The following PCDHA7 variants were observed in gnomAD, a reference collection of about 807,000 sequenced individuals.
PCDHA7 encodes protocadherin alpha-7.
Under a neutral mutation model 57.2 loss-of-function variants are expected in PCDHA7, and 37 were observed. The ratio of observed to expected loss-of-function variants is 0.65; its 90% CI spans 0.50 to 0.85. PCDHA7 has a LOEUF of 0.85. Ranked by LOEUF, PCDHA7 falls within the 40% of genes least tolerant of loss-of-function variation. The pLI, the probability that PCDHA7 is intolerant of heterozygous loss-of-function variation, is 0.00. For synonymous variants in PCDHA7, 553 were observed against 558.8 expected, an observed-to-expected ratio of 0.99 and a Z score of 0.15; for missense variants, 1,188 against 1,241.8, an observed-to-expected ratio of 0.96 and a Z score of 0.65.
intron 1 of PCDHA7, chr5:140,857,693 A>T: frequency 6.3e-7 from 1 of 1,597,022 alleles, no homozygotes; most frequent in Non-Finnish European, 8.6e-7. Context: ...CAGCAACTTG[A>T]CGCTGCAGGT....
chr5:140,891,481 C>G (rs2063126797), intron 1 of PCDHA7, among the ~76,000 whole-genome samples: 1 of 151,620 alleles, frequency 6.6e-6, no homozygotes, highest in Admixed American at 6.6e-5. Context: ...CTTTACATCA[C>G]TTTGAGCATA....
chr5:140,981,755 A>G (rs868964961), intron 2 of PCDHA7, among the ~76,000 whole-genome samples: 12 of 152,222 alleles, frequency 7.9e-5, no homozygotes, highest in Admixed American at 3.3e-4. Context: ...TTAGTATTAG[A>G]CATACATAAA....
intron 1 of PCDHA7, among the ~76,000 whole-genome samples, chr5:140,951,227 G>A (rs181202222): frequency 1.3e-5 from 2 of 152,044 alleles, no homozygotes; most frequent in African/African-American, 2.4e-5. Flanking sequence ...ATTCTTGATG[G>A]TCTTTACCTT....
At position 140,856,940 on chromosome 5, in the gene PCDHA7, AC is replaced by A. The variant is rs782681005; in HGVS notation, c.2355+20203del. ...AAGGAAATTTTGGATAAACGAAAGGACGGGAGAAATAAAAGTAAATGATGCT... is the reference window on the plus strand; with the variant it reads ...AAGGAAATTTTGGATAAACGAAAGGAGGGAGAAATAAAAGTAAATGATGCT... On this transcript the variant is annotated intron_variant, in intron 1 of 3. Transcript: ENST00000525929. The A allele has an allele frequency of 1.9e-5, 30 of 1,593,712 alleles. No individual in the cohort carries two copies. In the South Asian group the frequency reaches 3.3e-4, roughly 18 times the overall value.
chr5:140,871,002 G>C, intron 1 of PCDHA7: 1 of 1,613,384 alleles, frequency 6.2e-7, no homozygotes, highest in Non-Finnish European at 8.5e-7. Context: ...TAAGCACAAC[G>C]CGTGCCCTGG....
rs2150367479 is a variant in PCDHA7, at chr5:140,843,905, G to A, written c.2355+7167G>A. 8 of 645,878 alleles carry A rather than the reference G, an allele frequency of 1.2e-5. 1 individual carries two copies. Among genetic ancestry groups the A allele is most frequent in the African/African-American group, 1.8e-5 (1 of 54,098 alleles). 40.0% of individuals were successfully genotyped at this position (645,878 alleles called of 1,614,324 possible). ...ATACAGTATTAATCATTCTCCACAA[G>A]TTGGGTCTATCTTGAAACTCAAGTT... On this transcript the variant is annotated intron_variant, in intron 1 of 3. Coordinates refer to ENST00000525929, the MANE Select transcript of PCDHA7 (RefSeq NM_018910.3).
rs190555934 is a variant in PCDHA7 at position 140,905,437 on chromosome 5, C to G, written c.2355+68699C>G. Among the ~76,000 whole-genome samples the G allele has an allele frequency of 2.8e-3, 421 of 152,248 alleles. 2 individuals carry two copies. The highest frequency in any genetic ancestry group is 0.014 in the Middle Eastern group (4 of 294). On this transcript the variant is annotated intron_variant, in intron 1 of 3. Coordinates refer to ENST00000525929, the MANE Select transcript of PCDHA7 (RefSeq NM_018910.3). ...TACCATGCTGGTTTGATAACTACAG[C>G]CTTTTAGTATAATTTAAAGTCAGGT...
intron 1 of PCDHA7, chr5:140,877,564 G>A (rs782415331): frequency 1.2e-5 from 20 of 1,613,652 alleles, no homozygotes; most frequent in Middle Eastern, 3.3e-4. Context: ...GGATATTAAC[G>A]TGTACCTCAT....
chr5:140,851,315 T>G lies in PCDHA7; in HGVS notation c.2355+14577T>G. ...GCAAAAATATATAGCAATTGTTACC[T>G]TGTTAAGTTTGTAGTTCTCTACATT... On this transcript the variant is annotated intron_variant, in intron 1 of 3. Coordinates refer to ENST00000525929, the MANE Select transcript of PCDHA7 (RefSeq NM_018910.3). 7.1e-6 allele frequency: 7 copies of G among 992,586 alleles called. 1 individual carries two copies. The highest frequency in any genetic ancestry group is 8.6e-6 in the Non-Finnish European group (7 of 809,654). 61.5% of individuals were successfully genotyped at this position (992,586 alleles called of 1,614,324 possible).
In PCDHA7 at chr5:140,978,905, T is replaced by C. The variant is rs782532288; in HGVS notation, c.2356-44T>C. 9 of 1,613,632 alleles carry C rather than the reference T, an allele frequency of 5.6e-6. No homozygotes were observed. In the South Asian group the frequency reaches 9.9e-5, roughly 18 times the overall value. On this transcript the variant is annotated intron_variant, in intron 1 of 3. Coordinates refer to ENST00000525929, the MANE Select transcript of PCDHA7 (RefSeq NM_018910.3). ...AATTAGCAGCATTCCTGGGAGAACA[T>C]TGTCTTGTCATTTTAACAGAAAACT...
At chr5:140,961,108 C>T (rs1027018505) in intron 1 of PCDHA7, among the ~76,000 whole-genome samples, 1 of 152,174 alleles carries the variant, frequency 6.6e-6, no homozygotes, top group Non-Finnish European at 1.5e-5. Flanking sequence ...CACCCAACCC[C>T]CTTGCATCTT....
rs1238840347 is a variant in PCDHA7 at position 140,858,526 on chromosome 5, AT to A, written c.2355+21793del. On this transcript the variant is annotated intron_variant, in intron 1 of 3. Coordinates refer to ENST00000525929, the MANE Select transcript of PCDHA7 (RefSeq NM_018910.3). ...TCTCAAATATGTATCAGAATATTTC[AT>A]TTTTGTCTACATTCCATTTATGCTT... 6.2e-5 allele frequency: 87 copies of A among 1,407,632 alleles called. 5 individuals carry two copies. The highest frequency in any genetic ancestry group is 8.4e-5 in the Non-Finnish European group (85 of 1,016,948). The allele number at this position is 1,407,632 out of a possible 1,614,324, so 87.2% of individuals were successfully genotyped here.
At position 140,910,081 on chromosome 5, in the gene PCDHA7, A is replaced by G. The variant is rs183187398; in HGVS notation, c.2356-68868A>G. 2.8e-3 allele frequency among the ~76,000 whole-genome samples: 421 copies of G among 152,330 alleles called. 2 individuals are homozygous for G. Among genetic ancestry groups the G allele is most frequent in the Middle Eastern group, 0.014 (4 of 294 alleles). On this transcript the variant is annotated intron_variant, in intron 1 of 3. Coordinates refer to ENST00000525929, the MANE Select transcript of PCDHA7 (RefSeq NM_018910.3). Reference sequence around the variant, plus strand: ...CTTTTAACAGCGTAAATTGTTGTCAAGGGGAACCAGCCTCCCCTTCATTTA... The same window carrying G: ...CTTTTAACAGCGTAAATTGTTGTCAGGGGGAACCAGCCTCCCCTTCATTTA...
intron 1 of PCDHA7, chr5:140,866,411 A>G (rs2049340937): frequency 6.6e-6 from 1 of 152,118 alleles, no homozygotes; most frequent in African/African-American, 2.4e-5. Context: ...GAAAATCTTC[A>G]AATGTGTGTA....
At chr5:140,942,663 A>G (rs2153659608) in intron 1 of PCDHA7, among the ~76,000 whole-genome samples, 1 of 152,294 alleles carries the variant, frequency 6.6e-6, no homozygotes, top group African/African-American at 2.4e-5. Context: ...AAAAGCAATA[A>G]GCACAAAAGT....
At chr5:140,858,089 G>T in intron 1 of PCDHA7, 2 of 1,597,872 alleles carry the variant, frequency 1.3e-6, no homozygotes, top group East Asian at 2.2e-5. Flanking sequence ...CTCGTCGCGG[G>T]CTTCAGTGGG....
chr5:140,988,051 T>C (rs903060920), intron 3 of PCDHA7, among the ~76,000 whole-genome samples: 2 of 152,240 alleles, frequency 1.3e-5, no homozygotes, highest in African/African-American at 2.4e-5. Flanking sequence ...TTAGGAGCAC[T>C]GTCAACATGA....
intron 1 of PCDHA7, among the ~76,000 whole-genome samples, chr5:140,963,050 G>C (rs2095732681): frequency 2.6e-5 from 4 of 152,030 alleles, no homozygotes; most frequent in Admixed American, 2.6e-4. Flanking sequence ...AGTCTATAAG[G>C]GTTTCTACAT....
rs2150455604 is a variant in PCDHA7, at chr5:140,849,875, C to T, written c.2355+13137C>T. The T allele has an allele frequency of 6.9e-5, 111 of 1,598,488 alleles. 9 individuals are homozygous for T. The highest frequency in any genetic ancestry group is 8.0e-5 in the Non-Finnish European group (93 of 1,168,004). On this transcript the variant is annotated intron_variant, in intron 1 of 3. Transcript: ENST00000525929. ...CACCAGCGTTCGCGCAGTCCGAGTA[C>T]ACGGTGTTCGTGAAGGAGAACAACC...
Sources: gnomAD v4.1 joint callset for allele counts (sites outside exome capture counted in the v4.1 genomes callset) on GRCh38, gnomAD v4.1.1 for gene constraint, MANE v1.5 for transcripts, NCBI Gene and HGNC (gene_info 2026-07-23, HGNC 2026-07-21) for gene names.